B3GALT1: variants seen among roughly 807,000 people sequenced by gnomAD.
B3GALT1 encodes the protein UDP-Gal:betaGlcNAc beta 1,3-galactosyltransferase, polypeptide 1.
B3GALT1 carries 10 observed loss-of-function variants against 23.2 expected under a neutral mutation model. That is an observed-to-expected ratio of 0.43 (90% CI 0.27 to 0.73). The LOEUF (loss-of-function observed/expected upper bound fraction) is 0.73, where lower values mean the gene tolerates loss of function less well. Among genes scored for constraint, B3GALT1 ranks in the 30% least tolerant of loss-of-function variants. The pLI is 0.21. For missense variants in B3GALT1, 299 were observed against 405.4 expected, an observed-to-expected ratio of 0.74 and a Z score of 2.25; for synonymous variants, 156 against 141.5, an observed-to-expected ratio of 1.10 and a Z score of -0.73.
chr2:167,389,000 G>A (rs1319274654), intron 1 of B3GALT1, among the ~76,000 whole-genome samples: 2 of 152,142 alleles, frequency 1.3e-5, no homozygotes, highest in East Asian at 3.9e-4. Context: ...TTCCTAGAGT[G>A]TAAATTATCT....
chr2:167,703,904 C>G (rs189908139), intron 3 of B3GALT1, among the ~76,000 whole-genome samples: 88 of 152,112 alleles, frequency 5.8e-4, no homozygotes, highest in Admixed American at 6.5e-4. Context: ...ACTCAGGGCC[C>G]GGCGCGGTGG....
At chr2:167,761,017 T>C (rs1687892026) in intron 3 of B3GALT1, among the ~76,000 whole-genome samples, 1 of 152,192 alleles carries the variant, frequency 6.6e-6, no homozygotes, top group African/African-American at 2.4e-5. Context: ...CATGTGCCTG[T>C]TTGACCTTAA....
chr2:167,659,644 A>T (rs1420314075), intron 3 of B3GALT1, among the ~76,000 whole-genome samples: 1 of 152,042 alleles, frequency 6.6e-6, no homozygotes. Flanking sequence ...ATGCTTCATG[A>T]TAAAGCCAGA....
chr2:167,624,506 C>T (rs1236512963), intron 2 of B3GALT1, among the ~76,000 whole-genome samples: 1 of 152,018 alleles, frequency 6.6e-6, no homozygotes, highest in Non-Finnish European at 1.5e-5. Flanking sequence ...AGCTAATGTT[C>T]AAAGCAACTT....
chr2:167,567,472 A>G (rs889688467), intron 2 of B3GALT1, among the ~76,000 whole-genome samples: 1 of 152,198 alleles, frequency 6.6e-6, no homozygotes, highest in African/African-American at 2.4e-5. Flanking sequence ...AAGTGAAATG[A>G]TAGTGACAGT....
At chr2:167,445,135 T>G (rs1012744229) in intron 1 of B3GALT1, among the ~76,000 whole-genome samples, 3 of 152,220 alleles carry the variant, frequency 2.0e-5, no homozygotes, top group African/African-American at 7.2e-5. Flanking sequence ...CAGTGGTCAT[T>G]CAGGAGCAGG....
chr2:167,740,961 G>A (rs1687569022), intron 3 of B3GALT1, among the ~76,000 whole-genome samples: 1 of 152,118 alleles, frequency 6.6e-6, no homozygotes, highest in East Asian at 1.9e-4. Flanking sequence ...TCCTTCCCTG[G>A]CACTAGGTGT....
At position 167,300,736 on chromosome 2, in the gene B3GALT1, A is replaced by G. The variant is rs182809679; in HGVS notation, c.-511+7402A>G. On this transcript the variant is annotated intron_variant, in intron 1 of 4. Coordinates refer to ENST00000392690, the MANE Select transcript of B3GALT1 (RefSeq NM_020981.4). The stretch of plus-strand genomic sequence containing the variant: ...TATTTGTGAAAAATGTAAACTCCCT[A>G]CCTCACACTGCATTCTAAAATATCA... Among the ~76,000 whole-genome samples, 191 of 152,294 alleles carry G rather than the reference A, an allele frequency of 1.3e-3. 1 individual carries two copies. The highest frequency in any genetic ancestry group is 2.9e-3 in the Admixed American group (44 of 15,296).
At chr2:167,848,983 G>C (rs185562058) in intron 4 of B3GALT1, among the ~76,000 whole-genome samples, 31 of 152,120 alleles carry the variant, frequency 2.0e-4, no homozygotes, top group African/African-American at 7.5e-4. Context: ...CTTTACAATA[G>C]CTGCAAAAAA....
intron 2 of B3GALT1, among the ~76,000 whole-genome samples, chr2:167,566,268 G>T (rs866615375): frequency 6.6e-6 from 1 of 151,480 alleles, no homozygotes; most frequent in African/African-American, 2.4e-5. Flanking sequence ...ACCAAACACC[G>T]CATGTTCTCA....
intron 1 of B3GALT1, among the ~76,000 whole-genome samples, chr2:167,468,598 G>A (rs368112244): frequency 9.1e-4 from 138 of 152,246 alleles, no homozygotes; most frequent in African/African-American, 3.1e-3. Flanking sequence ...TTGGCCAGGC[G>A]CGGTGGCTCA....
At chr2:167,695,576 A>G (rs531178032) in intron 3 of B3GALT1, among the ~76,000 whole-genome samples, 1 of 152,120 alleles carries the variant, frequency 6.6e-6, no homozygotes, top group South Asian at 2.1e-4. Flanking sequence ...CCTGCTGTTT[A>G]TCAAATGCAC....
At position 167,572,127 on chromosome 2, in the gene B3GALT1, GAAGTA is replaced by G. The variant is rs528888010; in HGVS notation, c.-409-74778_-409-74774del. On this transcript the variant is annotated intron_variant, in intron 2 of 4. Transcript: ENST00000392690. ...AGCATAAATGCAGTTAGTAGAAACA[GAAGTA>G]AAGGGAAGAACAATAATTAAAATGA... Among the ~76,000 whole-genome samples, 164 of 151,750 alleles carry G rather than the reference GAAGTA, an allele frequency of 1.1e-3. 1 individual carries two copies. The highest frequency in any genetic ancestry group is 3.7e-3 in the African/African-American group (153 of 41,450).
intron 4 of B3GALT1, among the ~76,000 whole-genome samples, chr2:167,828,815 A>G (rs555028683): frequency 5.3e-5 from 8 of 152,308 alleles, no homozygotes; most frequent in Non-Finnish European, 1.2e-4. Flanking sequence ...ACGGGCCTAT[A>G]GAGGTTGCAG....
At chr2:167,795,362 A>C (rs2441371) in intron 3 of B3GALT1, among the ~76,000 whole-genome samples, 25,265 of 152,092 alleles carry the variant, frequency 0.17, 2,493 homozygotes, top group East Asian at 0.36. Context: ...TGAAAATTTT[A>C]ATTGGGAAAA....
At chr2:167,326,487 TTAAAGA>T (rs1045322324) in intron 1 of B3GALT1, among the ~76,000 whole-genome samples, 1 of 152,074 alleles carries the variant, frequency 6.6e-6, no homozygotes, top group Non-Finnish European at 1.5e-5. Context: ...TTTTGAGATC[TTAAAGA>T]TAAAATCCTT....
chr2:167,667,663 T>G lies in B3GALT1; in HGVS notation c.-352+20697T>G, dbSNP rs551409726. On this transcript the variant is annotated intron_variant, in intron 3 of 4. Coordinates refer to ENST00000392690, the MANE Select transcript of B3GALT1 (RefSeq NM_020981.4). ...CTTTGTTCATTTCTTTTTATTCTTGTTTCTCTAAACTTCCCTTCTCGCTTC... is the reference window on the plus strand; with the variant it reads ...CTTTGTTCATTTCTTTTTATTCTTGGTTCTCTAAACTTCCCTTCTCGCTTC... Among the ~76,000 whole-genome samples, 11 of 152,360 alleles carry G rather than the reference T, an allele frequency of 7.2e-5. 1 individual carries two copies. The South Asian group carries it at 2.3e-3, about 32-fold the overall frequency.
chr2:167,536,811 A>T (rs1331125734), intron 2 of B3GALT1, among the ~76,000 whole-genome samples: 1 of 152,160 alleles, frequency 6.6e-6, no homozygotes, highest in Non-Finnish European at 1.5e-5. Context: ...ACCTCCTGCC[A>T]GTTGTGGAGG....
chr2:167,400,977 C>T (rs1452827215), intron 1 of B3GALT1, among the ~76,000 whole-genome samples: 1 of 152,060 alleles, frequency 6.6e-6, no homozygotes, highest in Non-Finnish European at 1.5e-5. Flanking sequence ...TTTTTAGTCC[C>T]CTTTTTCTCT....
Sources: allele counts gnomAD v4.1 joint callset (sites outside exome capture counted in the v4.1 genomes callset), GRCh38; gene constraint gnomAD v4.1.1; transcripts MANE v1.5; gene names NCBI Gene and HGNC (gene_info 2026-07-23, HGNC 2026-07-21).